The following DFFB variants were observed in gnomAD, a reference collection of about 807,000 sequenced individuals.
The protein encoded by DFFB is DNA fragmentation factor subunit beta, also known as DNA fragmentation factor 40 kDa subunit.
In DFFB, 29 loss-of-function variants were observed where a neutral mutation model predicts 32.7. That is an observed-to-expected ratio of 0.89 (90% CI 0.66 to 1.21). DFFB has a LOEUF of 1.21. Ranked by LOEUF, DFFB falls within the 50% of genes most tolerant of loss-of-function variation. The pLI is 0.00. For missense variants in DFFB, 398 were observed against 440.6 expected, an observed-to-expected ratio of 0.90 and a Z score of 0.87; for synonymous variants, 170 against 177.1, an observed-to-expected ratio of 0.96 and a Z score of 0.32.
In DFFB at chr1:3,857,617, C is replaced by T; in HGVS notation, c.14C>T (p.Pro5Leu). 6.3e-7 allele frequency: 1 copy of T among 1,598,504 alleles called. No individual in the cohort carries two copies. The highest frequency in any genetic ancestry group is 8.5e-7 in the Non-Finnish European group (1 of 1,173,188). The change falls in exon 1 of 7, where the codon CCC becomes CTC. Residue 5 changes from proline to leucine, a missense_variant. By Grantham distance (98) the Pro-to-Leu change is moderately conservative. Transcript: ENST00000378209. MLQKPKSVKLRALRS... is the reference protein window; with the variant it reads MLQKLKSVKLRALRS... Reference sequence around the variant, plus strand: ...AGGACATCTGCAATGCTCCAGAAGCCCAAGAGCGTGAAGCTGCGGGCCCTG... The same window carrying T: ...AGGACATCTGCAATGCTCCAGAAGCTCAAGAGCGTGAAGCTGCGGGCCCTG...
chr1:3,879,964 C>T (rs1645303112), intron 6 of DFFB, among the ~76,000 whole-genome samples: 1 of 152,234 alleles, frequency 6.6e-6, no homozygotes, highest in Non-Finnish European at 1.5e-5. Context: ...ACCTTGCCCA[C>T]AGGTCTGGCA....
chr1:3,868,718 C>CACCATACCACACCATACCA (rs1439493586), intron 4 of DFFB, among the ~76,000 whole-genome samples: 1 of 138,098 alleles, frequency 7.2e-6, no homozygotes, highest in Non-Finnish European at 1.5e-5. Flanking sequence ...GGCCACACCA[C>CACCATACCACACCATACCA]GTCATTCCAC....
rs771150232 is a variant in DFFB at position 3,872,498 on chromosome 1, A to G, written c.708A>G (p.Leu236=). 1.2e-6 allele frequency: 2 copies of G among 1,613,954 alleles called. No homozygotes were observed. Among genetic ancestry groups the G allele is most frequent in the South Asian group, 1.1e-5 (1 of 91,066 alleles). Residue 236 remains leucine, a synonymous_variant, in exon 6 of 7, where the codon TTA becomes TTG. Coordinates refer to ENST00000378209, the MANE Select transcript of DFFB (RefSeq NM_004402.4). ...GTCCCTTTGACATGGACAGCTGCTTATCAAGACACTCCATCAACCCCTACA... is the reference window on the plus strand; with the variant it reads ...GTCCCTTTGACATGGACAGCTGCTTGTCAAGACACTCCATCAACCCCTACA... ...CQGPFDMDSC[L]SRHSINPYSN...
intron 4 of DFFB, among the ~76,000 whole-genome samples, chr1:3,868,608 T>TACCAGACCACACCAC (rs1645032620): frequency 3.2e-4 from 1 of 3,158 alleles, no homozygotes; most frequent in Non-Finnish European, 1.0e-3. Context: ...TACCACACCA[T>TACCAGACCACACCAC]ACCAGACCAC....
chr1:3,874,263 TG>T (rs34664006), intron 6 of DFFB, among the ~76,000 whole-genome samples: 10,008 of 132,476 alleles, frequency 0.076, 589 homozygotes, highest in South Asian at 0.086. Context: ...CCTCCCATGC[TG>T]TGGTCTGCAG....
At chr1:3,882,036 C>CAAT (rs35600694) in intron 6 of DFFB, among the ~76,000 whole-genome samples, 75,223 of 151,720 alleles carry the variant, frequency 0.5, 18,874 homozygotes, top group Non-Finnish European at 0.54. Context: ...AGTGAAACAA[C>CAAT]ATCATGTTGT....
intron 2 of DFFB, among the ~76,000 whole-genome samples, chr1:3,861,480 G>A (rs997906937): frequency 2.6e-5 from 4 of 152,164 alleles, no homozygotes; most frequent in African/African-American, 9.7e-5. Context: ...CCAGGCTGGA[G>A]TGCAGTGGTG....
chr1:3,875,858 C>A (rs1480956517), intron 6 of DFFB, among the ~76,000 whole-genome samples: 1 of 152,140 alleles, frequency 6.6e-6, no homozygotes, highest in Non-Finnish European at 1.5e-5. Context: ...CTCACTGCCA[C>A]CTCCACCTCC....
At chr1:3,878,105 G>T (rs1645260932) in intron 6 of DFFB, among the ~76,000 whole-genome samples, 1 of 152,018 alleles carries the variant, frequency 6.6e-6, no homozygotes, top group Non-Finnish European at 1.5e-5. Flanking sequence ...TGTCCCCAGT[G>T]TGTGGGACGT....
chr1:3,858,131 A>C (rs1417238784), intron 1 of DFFB, among the ~76,000 whole-genome samples: 2 of 152,006 alleles, frequency 1.3e-5, no homozygotes, highest in Admixed American at 6.6e-5. Flanking sequence ...TGCAATCGTC[A>C]CCTTATTCTA....
chr1:3,859,457 C>T (rs1430625100), intron 2 of DFFB, among the ~76,000 whole-genome samples: 3 of 152,164 alleles, frequency 2.0e-5, no homozygotes, highest in Non-Finnish European at 4.4e-5. Flanking sequence ...GCCACTGGGG[C>T]AGGAGATGCC....
chr1:3,861,377 G>T (rs781377857), intron 2 of DFFB, among the ~76,000 whole-genome samples: 1 of 152,026 alleles, frequency 6.6e-6, no homozygotes, highest in South Asian at 2.1e-4. Flanking sequence ...TCCAGTTTTT[G>T]ACTATTACAA....
At chr1:3,875,574 G>A (rs960141269) in intron 6 of DFFB, among the ~76,000 whole-genome samples, 2 of 152,100 alleles carry the variant, frequency 1.3e-5, no homozygotes, top group Non-Finnish European at 1.5e-5. Flanking sequence ...TTCCCAACCC[G>A]ATAGGTGAGA....
Position 3,872,413 on chromosome 1 carries a change from A to AC in DFFB, c.682-59_682-58insC, listed in dbSNP as rs1645135945. On this transcript the variant is annotated intron_variant, in intron 5 of 6. Coordinates refer to ENST00000378209, the MANE Select transcript of DFFB (RefSeq NM_004402.4). ...GGCGACAGAGCGAGGCGCTGTCTCA[A>AC]GAAAAAAAAAAAAAGAGACTCACTT... 25 of 1,310,686 alleles carry AC rather than the reference A, an allele frequency of 1.9e-5. No individual in the cohort carries two copies. In the African/African-American group the frequency reaches 2.3e-4, roughly 12 times the overall value. 81.2% of individuals were successfully genotyped at this position (1,310,686 alleles called of 1,614,324 possible). A position where few individuals can be genotyped will look rare whatever the true frequency, so the allele number is the denominator to read the frequency against.
chr1:3,871,891 G>A (rs1013549922), intron 5 of DFFB, among the ~76,000 whole-genome samples: 7 of 152,132 alleles, frequency 4.6e-5, no homozygotes, highest in African/African-American at 1.7e-4. Context: ...GAGCAGGAAC[G>A]AGAGAGAGAT....
At chr1:3,876,618 G>A (rs1645227241) in intron 6 of DFFB, among the ~76,000 whole-genome samples, 1 of 152,206 alleles carries the variant, frequency 6.6e-6, no homozygotes, top group Admixed American at 6.5e-5. Flanking sequence ...AATGAACAAT[G>A]AAATAAAATG....
At chr1:3,863,347 A>G (rs1644913920) in intron 2 of DFFB, among the ~76,000 whole-genome samples, 1 of 152,188 alleles carries the variant, frequency 6.6e-6, no homozygotes, top group Non-Finnish European at 1.5e-5. Context: ...GCTACTTCAC[A>G]CCCACTAGGA....
chr1:3,872,992 T>TC, intron 6 of DFFB: 1 of 1,274,198 alleles, frequency 7.8e-7, no homozygotes, highest in Admixed American at 2.4e-5. Flanking sequence ...AGGGTGTTTT[T>TC]CCCTTTTTCT....
rs149045294 is a variant in DFFB, at chr1:3,883,948, T to C, written c.*207T>C. 1,980 of 574,426 alleles carry C rather than the reference T, an allele frequency of 3.4e-3. 23 individuals carry two copies. Among genetic ancestry groups the C allele is most frequent in the African/African-American group, 0.032 (1,703 of 53,596 alleles). 35.6% of individuals were successfully genotyped at this position (574,426 alleles called of 1,614,324 possible). On this transcript the variant is annotated 3_prime_UTR_variant, in exon 7 of 7. Transcript: ENST00000378209. ...TTGTTGTTTTGTTTTGTTTTGTAGA[T>C]GGAGTTTCACTTTTGTTGCCCAGGC...
Sources: allele counts gnomAD v4.1 joint callset (sites outside exome capture counted in the v4.1 genomes callset), GRCh38; gene constraint gnomAD v4.1.1; transcripts MANE v1.5; gene names NCBI Gene and HGNC (gene_info 2026-07-23, HGNC 2026-07-21).